ITPR2: variants seen among roughly 807,000 people sequenced by gnomAD.
The protein encoded by ITPR2 is inositol 1,4,5-trisphosphate receptor type 2, also known as inositol 1,4,5-trisphosphate-gated calcium channel ITPR2.
In ITPR2, 207 loss-of-function variants were observed where a neutral mutation model predicts 317.1. That is an observed-to-expected ratio of 0.65 (90% CI 0.58 to 0.73). The LOEUF is 0.73. Ranked by LOEUF, ITPR2 falls within the 30% of genes least tolerant of loss-of-function variation. The pLI, the probability that ITPR2 is intolerant of heterozygous loss-of-function variation, is 0.00. For synonymous variants in ITPR2, 1,156 were observed against 1,149.1 expected, an observed-to-expected ratio of 1.01 and a Z score of -0.12; for missense variants, 2,613 against 3,284.0, an observed-to-expected ratio of 0.80 and a Z score of 4.99.
chr12:26,768,992 A>G (rs1316155102), intron 2 of ITPR2, among the ~76,000 whole-genome samples: 1 of 43,310 alleles, frequency 2.3e-5, no homozygotes, highest in African/African-American at 5.4e-5. Context: ...GTCATCCAGT[A>G]GAACACACAC....
At chr12:26,588,257 T>C (rs1212884489) in intron 32 of ITPR2, among the ~76,000 whole-genome samples, 1 of 152,034 alleles carries the variant, frequency 6.6e-6, no homozygotes, top group Non-Finnish European at 1.5e-5. Context: ...AGGGATCCAT[T>C]CCAAAGTCTG....
At chr12:26,622,919 T>G (rs542938040) in intron 24 of ITPR2, among the ~76,000 whole-genome samples, 1 of 152,316 alleles carries the variant, frequency 6.6e-6, no homozygotes, top group African/African-American at 2.4e-5. Context: ...TCCATCTGTT[T>G]CAAGATGAAA....
chr12:26,598,332 A>C (rs1358652753), intron 30 of ITPR2, among the ~76,000 whole-genome samples: 1 of 152,208 alleles, frequency 6.6e-6, no homozygotes, highest in Non-Finnish European at 1.5e-5. Context: ...CATTATGGAA[A>C]TCTCCTCCAT....
chr12:26,450,523 G>T (rs553913667), intron 45 of ITPR2, among the ~76,000 whole-genome samples: 1 of 152,278 alleles, frequency 6.6e-6, no homozygotes, highest in South Asian at 2.1e-4. Flanking sequence ...TGTTAGTAGG[G>T]TCAGAGTCCT....
chr12:26,699,581 T>C (rs569843259), intron 9 of ITPR2, among the ~76,000 whole-genome samples: 50 of 152,306 alleles, frequency 3.3e-4, no homozygotes, highest in African/African-American at 1.2e-3. Flanking sequence ...GCAATATGAT[T>C]TTTTAAATAA....
At chr12:26,471,853 T>C (rs894738769) in intron 45 of ITPR2, among the ~76,000 whole-genome samples, 3 of 152,244 alleles carry the variant, frequency 2.0e-5, no homozygotes, top group Non-Finnish European at 2.9e-5. Flanking sequence ...CAGTGGAAAC[T>C]GGACTCTACC....
intron 48 of ITPR2, among the ~76,000 whole-genome samples, chr12:26,432,315 T>C (rs970166530): frequency 4.6e-5 from 7 of 152,328 alleles, no homozygotes; most frequent in Admixed American, 1.3e-4. Context: ...TGGCCAATTA[T>C]GTTGTAGTAT....
chr12:26,717,712 C>A (rs1313316648), intron 5 of ITPR2, among the ~76,000 whole-genome samples: 3 of 152,146 alleles, frequency 2.0e-5, no homozygotes, highest in African/African-American at 4.8e-5. Flanking sequence ...CTCTCCAGTG[C>A]ATACCTGAGG....
intron 49 of ITPR2, among the ~76,000 whole-genome samples, chr12:26,420,422 T>A (rs1050729760): frequency 1.3e-5 from 2 of 152,184 alleles, no homozygotes; most frequent in South Asian, 4.1e-4. Flanking sequence ...AGAAGGACCA[T>A]AACACTTTGA....
At chr12:26,592,477 G>A (rs889888775) in intron 32 of ITPR2, among the ~76,000 whole-genome samples, 3 of 152,138 alleles carry the variant, frequency 2.0e-5, no homozygotes, top group Non-Finnish European at 4.4e-5. Flanking sequence ...ACCTTGATGT[G>A]TTCATTACAC....
At chr12:26,415,624 C>T (rs1262342965) in intron 50 of ITPR2, 126 bp from the exon 51 acceptor site, 1 of 556,570 alleles carries the variant, frequency 1.8e-6, no homozygotes, top group Admixed American at 3.8e-5. Flanking sequence ...TAACCTAAAC[C>T]ACCTTAAAAT....
intron 51 of ITPR2, 146 bp downstream of exon 51, chr12:26,415,157 T>C (rs1940681427): frequency 3.7e-6 from 2 of 545,546 alleles, no homozygotes; most frequent in African/African-American, 3.9e-5. Context: ...TTCACATTCC[T>C]GACTCTTAGT....
intron 2 of ITPR2, among the ~76,000 whole-genome samples, chr12:26,768,256 G>C (rs980341535): frequency 7.2e-6 from 1 of 138,284 alleles, no homozygotes; most frequent in Non-Finnish European, 1.6e-5. Flanking sequence ...ACACTCTGGG[G>C]ACGGTGGTGG....
intron 9 of ITPR2, among the ~76,000 whole-genome samples, chr12:26,698,174 G>T (rs1283359224): frequency 6.6e-6 from 1 of 152,164 alleles, no homozygotes; most frequent in Non-Finnish European, 1.5e-5. Flanking sequence ...AAAGAATTGT[G>T]TATGCAGAGG....
At chr12:26,426,903 A>C (rs969968061) in intron 49 of ITPR2, among the ~76,000 whole-genome samples, 1 of 151,174 alleles carries the variant, frequency 6.6e-6, no homozygotes, top group Non-Finnish European at 1.5e-5. Flanking sequence ...TAAATATTAA[A>C]TATTTATTAC....
At chr12:26,558,382 C>T (rs1296789584) in intron 35 of ITPR2, among the ~76,000 whole-genome samples, 12 of 152,156 alleles carry the variant, frequency 7.9e-5, no homozygotes, top group Non-Finnish European at 2.9e-5. Flanking sequence ...CTAACAATCA[C>T]GTGAGTTTGC....
rs1158673049 is a variant in ITPR2, at chr12:26,766,640, AT to A, written c.163+23516del. 2.6e-5 allele frequency among the ~76,000 whole-genome samples: 4 copies of A among 152,070 alleles called. No homozygotes were observed. In the East Asian group the frequency reaches 7.7e-4, roughly 29 times the overall value. ...AATTTTTATGAAGTCCAGTTTATCC[AT>A]TTTTTTCTTTTGTCACCTATGGTTT... On this transcript the variant is annotated intron_variant, in intron 2 of 56. Coordinates refer to ENST00000381340, the MANE Select transcript of ITPR2 (RefSeq NM_002223.4).
At chr12:26,720,355 A>G (rs1011522249) in intron 5 of ITPR2, among the ~76,000 whole-genome samples, 2 of 152,196 alleles carry the variant, frequency 1.3e-5, no homozygotes, top group African/African-American at 4.8e-5. Flanking sequence ...AAAGTCCTCT[A>G]AACATTGCAA....
rs923038836 is a variant in ITPR2 at position 26,336,220 on chromosome 12, C to G, written c.*3177G>C. ...CCACCTTCTCTCACCAACTCCCCAG[C>G]CTCCCCACTCATTCTCAGTCCTGGG... is the stretch of plus-strand genomic sequence containing the variant. On this transcript the variant is annotated 3_prime_UTR_variant, in exon 57 of 57. Transcript: ENST00000381340. Among the ~76,000 whole-genome samples, 1 of 152,282 alleles carries G rather than the reference C, an allele frequency of 6.6e-6. No individual in the cohort carries two copies. The highest frequency in any genetic ancestry group is 2.4e-5 in the African/African-American group (1 of 41,554).
Sources: gnomAD v4.1 joint callset for allele counts (sites outside exome capture counted in the v4.1 genomes callset) on GRCh38, gnomAD v4.1.1 for gene constraint, MANE v1.5 for transcripts, NCBI Gene and HGNC (gene_info 2026-07-23, HGNC 2026-07-21) for gene names.